Variants in XPC observed in about 807,000 individuals in gnomAD.
The protein encoded by XPC is DNA repair protein complementing XP-C cells.
XPC carries 76 observed loss-of-function variants against 95.8 expected under a neutral mutation model. The observed-to-expected ratio is 0.79, with a 90% confidence interval of 0.66 to 0.96. The LOEUF (loss-of-function observed/expected upper bound fraction) is 0.96. Among genes scored for constraint, XPC ranks in the 40% least tolerant of loss-of-function variants. The probability of loss-of-function intolerance (pLI) is 0.00; values close to 1 mark genes in which losing one functional copy is unlikely to be tolerated. For missense variants in XPC, 1,146 were observed against 1,179.8 expected (o/e 0.97, Z 0.42); for synonymous variants, 442 against 442.1 (o/e 1.00, Z 0.00).
At chr3:14,168,190 T>G in intron 4 of XPC, 67 bp downstream of exon 4, 9 of 1,520,574 alleles carry the variant, frequency 5.9e-6, no homozygotes, top group Non-Finnish European at 7.9e-6. Flanking sequence ...TTCTCCAAAG[T>G]CCTCCTAAGC....
intron 6 of XPC, 107 bp from the exon 7 acceptor site, chr3:14,165,040 C>T: frequency 1.4e-6 from 2 of 1,451,434 alleles, no homozygotes; most frequent in South Asian, 2.9e-5. Flanking sequence ...ACCCGCCTGC[C>T]TCTGTCCTAC....
rs747105231 is a variant in XPC, at chr3:14,158,022, C to T, written c.1861G>A (p.Glu621Lys). 12 of 1,598,172 alleles carry T rather than the reference C, an allele frequency of 7.5e-6. No homozygotes were observed. The highest frequency in any genetic ancestry group is 1.3e-5 in the African/African-American group (1 of 74,716). The change falls in exon 9 of 16, where the codon GAA becomes AAA. Residue 621 changes from glutamate (E) to lysine (K), a missense_variant. By Grantham distance (56) the Glu-to-Lys change is moderately conservative. Coordinates refer to ENST00000285021, the MANE Select transcript of XPC (RefSeq NM_004628.5). The surrounding 1 kb of genome is among the most constrained non-coding windows in gnomAD (Gnocchi z 5.2). ...AGCCAAGGCCTTACCTCCAAGTCTT[C>T]TTTCTTCTCCCTGTCCATAAATGGG... ...QSPFMDREKK[E>K]DLEFQAKHMD...
At position 14,155,165 on chromosome 3, in the gene XPC, C is replaced by A. The variant is rs116634251; in HGVS notation, c.2033+1170G>T. Among the ~76,000 whole-genome samples the A allele has an allele frequency of 2.2e-3, 328 of 152,252 alleles. 1 individual carries two copies. The highest frequency in any genetic ancestry group is 7.7e-3 in the African/African-American group (322 of 41,556). On this transcript the variant is annotated intron_variant, in intron 10 of 15. Coordinates refer to ENST00000285021, the MANE Select transcript of XPC (RefSeq NM_004628.5). ...AGAAAGCTCCAAGACAGGGCAGAGC[C>A]CTGAAGAGAGGGTCCAGCATGACTC...
chr3:14,154,632 G>C (rs1210176742), intron 10 of XPC, among the ~76,000 whole-genome samples: 1 of 152,142 alleles, frequency 6.6e-6, no homozygotes, highest in African/African-American at 2.4e-5. Context: ...GTGGGTGCAG[G>C]GCTGGAGAAG....
rs564830915 is a variant in XPC, at chr3:14,146,669, C to A, written c.2605-510G>T. ...GAAGGGCTTTTCTCCACCAGAGGGA[C>A]TGGAATGAGGAGCGTGACAAAAAAA... On this transcript the variant is annotated intron_variant, in intron 15 of 15. Transcript: ENST00000285021. Among the ~76,000 whole-genome samples, 311 of 152,210 alleles carry A rather than the reference C, an allele frequency of 2.0e-3. 1 individual carries two copies. The highest frequency in any genetic ancestry group is 6.4e-3 in the African/African-American group (267 of 41,528).
rs3731132 is a variant in XPC, at chr3:14,157,625, C to T, written c.1872+386G>A. Among the ~76,000 whole-genome samples the T allele has an allele frequency of 7.2e-4, 110 of 152,230 alleles. 1 individual carries two copies. The South Asian group carries it at 0.021, about 29-fold the overall frequency. On this transcript the variant is annotated intron_variant, in intron 9 of 15. Coordinates refer to ENST00000285021, the MANE Select transcript of XPC (RefSeq NM_004628.5). ...GTTCTATGTATGAGGGGTGTTTGCA[C>T]GTACATCTTTACATTCACGCATGAT...
rs1403858767 is a variant in XPC at position 14,172,884 on chromosome 3, G to C, written c.282C>G (p.Ser94Arg). The stretch of plus-strand genomic sequence containing the variant: ...CATCTCACCTGAGGTCATCCCCATC[G>C]CTGAGGGCTTCATCCTTTATAACCT... ...NLKVIKDEAL[S>R]DGDDLRDFPS... Residue 94 changes from serine to arginine, a missense_variant, in exon 2 of 16, where the codon AGC becomes AGG. Transcript: ENST00000285021. 6.2e-7 allele frequency: 1 copy of C among 1,613,594 alleles called. No homozygotes were observed. The highest frequency in any genetic ancestry group is 8.5e-7 in the Non-Finnish European group (1 of 1,179,742).
rs759521446 is a variant in XPC at position 14,148,877 on chromosome 3, G to A, written c.2187C>T (p.Asp729=). 1 of 1,614,000 alleles carries A rather than the reference G, an allele frequency of 6.2e-7. No homozygotes were observed. The highest frequency in any genetic ancestry group is 1.1e-5 in the South Asian group (1 of 91,088). ...LAEPQLREEN[D]LGLFGYWQTE... is the part of the protein sequence containing the mutation. ...TCTGCCAGTAGCCAAACAGGCCCAG[G>A]TCATTTTCTTCCCGCAGCTGGGGCT... Residue 729 remains aspartate, a synonymous_variant, in exon 12 of 16, where the codon GAC becomes GAT. Transcript: ENST00000285021.
At chr3:14,160,545 GA>G (rs1438327032) in intron 7 of XPC, among the ~76,000 whole-genome samples, 1 of 152,188 alleles carries the variant, frequency 6.6e-6, no homozygotes, top group Non-Finnish European at 1.5e-5. Flanking sequence ...GTTATGGTGA[GA>G]AAAATGATTG....
Position 14,145,813 on chromosome 3 carries a change from A to G in XPC, c.*128T>C, listed in dbSNP as rs759828651. ...GTCTCCCCTGACCCCGCCTCCGTGC[A>G]TGCTGCCTCAGTTTGCCTTCTCAGC... On this transcript the variant is annotated 3_prime_UTR_variant, in exon 16 of 16. Transcript: ENST00000285021. 37 of 1,193,194 alleles carry G rather than the reference A, an allele frequency of 3.1e-5. No individual in the cohort carries two copies. The highest frequency in any genetic ancestry group is 4.0e-5 in the Non-Finnish European group (33 of 827,896). 73.9% of individuals were successfully genotyped at this position (1,193,194 alleles called of 1,614,324 possible). A position where few individuals can be genotyped will look rare whatever the true frequency, so the allele number is the denominator to read the frequency against.
chr3:14,159,686 G>A, intron 8 of XPC, 55 bp downstream of exon 8: 1 of 1,471,280 alleles, frequency 6.8e-7, no homozygotes, highest in South Asian at 1.2e-5. Flanking sequence ...ATTTTTTTAA[G>A]TGTGACAATT....
intron 1 of XPC, among the ~76,000 whole-genome samples, chr3:14,177,942 T>C (rs1479289972): frequency 6.6e-6 from 1 of 152,096 alleles, no homozygotes; most frequent in Admixed American, 6.5e-5. Context: ...ATAACAAGTA[T>C]TGAGACTGGA....
At position 14,163,582 on chromosome 3, in the gene XPC, C is replaced by T. The variant is rs60636218; in HGVS notation, c.900+1231G>A. 2.6e-3 allele frequency among the ~76,000 whole-genome samples: 391 copies of T among 152,030 alleles called. 3 individuals are homozygous for T. Among genetic ancestry groups the T allele is most frequent in the African/African-American group, 9.0e-3 (371 of 41,430 alleles). ...GAGACACAAGACAGATTGGTGGTTG[C>T]CACGAGCAGGGACAGGGGGGTAACA... is the stretch of plus-strand genomic sequence containing the variant. On this transcript the variant is annotated intron_variant, in intron 7 of 15. Transcript: ENST00000285021.
At chr3:14,154,586 C>T (rs1212662089) in intron 10 of XPC, among the ~76,000 whole-genome samples, 1 of 152,110 alleles carries the variant, frequency 6.6e-6, no homozygotes, top group African/African-American at 2.4e-5. Context: ...ACATGGGTCC[C>T]TATAGTAGGC....
rs1238647795 is a variant in XPC, at chr3:14,146,041, C to T, written c.2723G>A (p.Arg908Gln). ...RILAASWPQN[R>Q]EDEEKQKLKG... ...CAGCTTCTGCTTTTCTTCATCTTCT[C>T]GGTTTTGAGGCCAGGAGGCAGCCAG... is the stretch of plus-strand genomic sequence containing the variant. Residue 908 changes from arginine to glutamine, a missense_variant, in exon 16 of 16, where the codon CGA becomes CAA. Physicochemically the swap from Arg to Gln is conservative, Grantham distance 43 (BLOSUM62 1). Coordinates refer to ENST00000285021, the MANE Select transcript of XPC (RefSeq NM_004628.5). The T allele has an allele frequency of 5.0e-6, 8 of 1,612,680 alleles. No homozygotes were observed. Among genetic ancestry groups the T allele is most frequent in the South Asian group, 2.2e-5 (2 of 90,972 alleles).
intron 7 of XPC, among the ~76,000 whole-genome samples, chr3:14,163,576 T>C (rs939540977): frequency 6.6e-6 from 1 of 152,064 alleles, no homozygotes; most frequent in African/African-American, 2.4e-5. Flanking sequence ...GACAGATTGG[T>C]GGTTGCCACG....
chr3:14,170,373 A>G, intron 3 of XPC, 65 bp downstream of exon 3: 2 of 1,493,166 alleles, frequency 1.3e-6, no homozygotes, highest in Non-Finnish European at 1.9e-6. Flanking sequence ...ATCTGACTCC[A>G]AACAGAATCA....
intron 1 of XPC, among the ~76,000 whole-genome samples, chr3:14,177,853 A>G (rs1378925225): frequency 8.7e-6 from 1 of 115,168 alleles, no homozygotes; most frequent in Non-Finnish European, 1.9e-5. Flanking sequence ...CAAATTTGAA[A>G]TACACTCTTG....
chr3:14,156,435 G>C lies in XPC; in HGVS notation c.1933C>G (p.Pro645Ala), dbSNP rs762099392. The change falls in exon 10 of 16, where the codon CCT becomes GCT. Residue 645 changes from proline (P) to alanine (A), a missense_variant. Pro to Ala is a conservative substitution (Grantham distance 27). Transcript: ENST00000285021. The part of the protein sequence containing the change: ...PTAIGLYKNH[P>A]LYALKRHLLK... ...AGATGCCGCTTCAGGGCATACAGAG[G>C]GTGGTTCTTATATAAGCCAATGGCA... The C allele has an allele frequency of 8.7e-6, 14 of 1,613,920 alleles. No individual in the cohort carries two copies. The highest frequency in any genetic ancestry group is 1.6e-4 in the Middle Eastern group (1 of 6,084).
Sources: gnomAD v4.1 joint callset for allele counts (sites outside exome capture counted in the v4.1 genomes callset) on GRCh38, gnomAD v4.1.1 for gene constraint, Gnocchi (gnomAD v3.1) non-coding constraint, MANE v1.5 for transcripts, NCBI Gene and HGNC (gene_info 2026-07-23, HGNC 2026-07-21) for gene names.